The following PRKG1 variants were observed in gnomAD, a reference collection of about 807,000 sequenced individuals.
The protein encoded by PRKG1 is cGMP-dependent protein kinase 1.
PRKG1 carries 35 observed loss-of-function variants against 88.1 expected under a neutral mutation model. The observed-to-expected ratio is 0.40, with a 90% CI of 0.30 to 0.53. PRKG1 has a LOEUF of 0.53. Ranked by LOEUF, PRKG1 falls within the 20% of genes least tolerant of loss-of-function variation. PRKG1 has a pLI of 0.59. For synonymous variants in PRKG1, 303 were observed against 292.5 expected (o/e 1.04, Z -0.37); for missense variants, 540 against 839.8 (o/e 0.64, Z 4.41).
chr10:51,226,749 T>G (rs1838703388), intron 2 of PRKG1, among the ~76,000 whole-genome samples: 1 of 152,170 alleles, frequency 6.6e-6, no homozygotes, highest in African/African-American at 2.4e-5. Context: ...TTTCAAATTA[T>G]GGATGTGGAG....
Position 50,991,316 on chromosome 10 carries a change from CG to C in PRKG1, c.-62del. 2 of 857,094 alleles carry C rather than the reference CG, an allele frequency of 2.3e-6. 1 individual carries two copies. Among genetic ancestry groups the C allele is most frequent in the South Asian group, 5.4e-5 (2 of 36,846 alleles). 53.1% of individuals were successfully genotyped at this position (857,094 alleles called of 1,614,324 possible). On this transcript the variant is annotated 5_prime_UTR_variant, in exon 1 of 18. Coordinates refer to the PRKG1 transcript ENST00000401604. The surrounding 1 kb of genome is among the most constrained non-coding windows in gnomAD (Gnocchi z 4.5). ...CGCTGCCGGCTGCCGTCCCAGCCGC[CG>C]CCGCCGCCGCCGCCGCCGCCGCCGC...
intron 3 of PRKG1, among the ~76,000 whole-genome samples, chr10:51,557,398 T>C (rs969872134): frequency 7.9e-5 from 12 of 151,776 alleles, no homozygotes; most frequent in African/African-American, 2.9e-4. Flanking sequence ...CTTTGGGTAG[T>C]TACTGCCTCT....
At chr10:52,257,342 T>C (rs1314182052) in intron 10 of PRKG1, among the ~76,000 whole-genome samples, 1 of 136,280 alleles carries the variant, frequency 7.3e-6, no homozygotes, top group African/African-American at 2.5e-5. Flanking sequence ...GAAAAAAAAA[T>C]AGAAACTAAG....
At chr10:52,072,270 A>G (rs1312002772) in intron 7 of PRKG1, among the ~76,000 whole-genome samples, 1 of 149,090 alleles carries the variant, frequency 6.7e-6, no homozygotes. Context: ...TAATCTATGG[A>G]AAAAGTAACA....
At chr10:51,913,665 G>A (rs560958495) in intron 5 of PRKG1, among the ~76,000 whole-genome samples, 2 of 152,236 alleles carry the variant, frequency 1.3e-5, no homozygotes, top group South Asian at 4.1e-4. Context: ...TTCCTAGGCT[G>A]TGTTTTGAAA....
chr10:52,000,171 G>A (rs1364493313), intron 5 of PRKG1, among the ~76,000 whole-genome samples: 1 of 151,918 alleles, frequency 6.6e-6, no homozygotes, highest in Non-Finnish European at 1.5e-5. Flanking sequence ...CAGAGCTCAG[G>A]ATGATACATA....
chr10:51,423,313 A>G (rs1838471451), intron 2 of PRKG1, among the ~76,000 whole-genome samples: 1 of 152,196 alleles, frequency 6.6e-6, no homozygotes, highest in Non-Finnish European at 1.5e-5. Context: ...TATAAATTCC[A>G]TTCTTGCACT....
intron 2 of PRKG1, among the ~76,000 whole-genome samples, chr10:51,399,779 C>T (rs955733748): frequency 6.6e-6 from 1 of 152,060 alleles, no homozygotes; most frequent in African/African-American, 2.4e-5. Flanking sequence ...AAAGTGACAA[C>T]AGTACACAGT....
intron 11 of PRKG1, 63 bp downstream of exon 11, chr10:52,271,552 CTCTGCCACT>C (rs1841730888): frequency 6.4e-7 from 1 of 1,559,804 alleles, no homozygotes; most frequent in African/African-American, 1.4e-5. Context: ...CCACAAAACC[CTCTGCCACT>C]TGTGCTCACT....
At chr10:51,449,801 T>A (rs1054793115) in intron 2 of PRKG1, among the ~76,000 whole-genome samples, 9 of 97,124 alleles carry the variant, frequency 9.3e-5, no homozygotes, top group African/African-American at 1.8e-4. Flanking sequence ...CTGTTGATAA[T>A]CTTTACCTGT....
chr10:51,365,045 G>C (rs1405294805), intron 2 of PRKG1, among the ~76,000 whole-genome samples: 1 of 151,906 alleles, frequency 6.6e-6, no homozygotes, highest in Non-Finnish European at 1.5e-5. Flanking sequence ...TTTGGAGCTG[G>C]ACAGTGATGA....
intron 3 of PRKG1, among the ~76,000 whole-genome samples, chr10:51,515,158 T>C (rs1476167242): frequency 6.6e-6 from 1 of 152,196 alleles, no homozygotes; most frequent in Non-Finnish European, 1.5e-5. Context: ...TACTCAATTA[T>C]ATATATTTTA....
intron 2 of PRKG1, among the ~76,000 whole-genome samples, chr10:51,278,144 T>C (rs1177940121): frequency 6.6e-6 from 1 of 152,234 alleles, no homozygotes; most frequent in South Asian, 2.1e-4. Context: ...ACCTAATTTA[T>C]TGAGAGTTTT....
At chr10:52,039,655 A>G (rs1266973234) in intron 5 of PRKG1, among the ~76,000 whole-genome samples, 1 of 151,954 alleles carries the variant, frequency 6.6e-6, no homozygotes, top group Non-Finnish European at 1.5e-5. Flanking sequence ...AGGCCTCTAA[A>G]CCACACCATA....
At chr10:51,495,919 C>T (rs1170285088) in intron 3 of PRKG1, among the ~76,000 whole-genome samples, 1 of 152,130 alleles carries the variant, frequency 6.6e-6, no homozygotes, top group Non-Finnish European at 1.5e-5. Context: ...TTGATCAACT[C>T]TTAAAAATAA....
chr10:51,343,914 G>A (rs1842056000), intron 2 of PRKG1, among the ~76,000 whole-genome samples: 1 of 152,150 alleles, frequency 6.6e-6, no homozygotes, highest in Non-Finnish European at 1.5e-5. Flanking sequence ...GAATCAACTG[G>A]TAGAGAGATT....
chr10:51,034,962 A>G (rs1403109541), intron 1 of PRKG1, among the ~76,000 whole-genome samples: 1 of 151,970 alleles, frequency 6.6e-6, no homozygotes, highest in Non-Finnish European at 1.5e-5. Context: ...CCTTGCCCTC[A>G]GGCTATTGCC....
intron 2 of PRKG1, among the ~76,000 whole-genome samples, chr10:51,354,942 G>A (rs1842333445): frequency 6.6e-6 from 1 of 152,052 alleles, no homozygotes; most frequent in Non-Finnish European, 1.5e-5. Flanking sequence ...CTCTGAGCAT[G>A]GTAGCAAATG....
chr10:52,064,588 G>C (rs1405105735), intron 7 of PRKG1, among the ~76,000 whole-genome samples: 1 of 152,206 alleles, frequency 6.6e-6, no homozygotes, highest in Non-Finnish European at 1.5e-5. Flanking sequence ...AAGGGCTCCT[G>C]CTTCCCCCTG....
Sources: allele counts gnomAD v4.1 joint callset (sites outside exome capture counted in the v4.1 genomes callset), GRCh38; gene constraint gnomAD v4.1.1; non-coding constraint Gnocchi (gnomAD v3.1); transcripts MANE v1.5; gene names NCBI Gene and HGNC (gene_info 2026-07-23, HGNC 2026-07-21).